Variants in NRG1 observed in about 807,000 individuals in gnomAD.
NRG1 encodes neuregulin 1.
A neutral mutation model predicts 63.8 loss-of-function variants in NRG1; 18 were observed. The ratio of observed to expected loss-of-function variants is 0.28; its 90% CI spans 0.19 to 0.42. The LOEUF is 0.42. NRG1 is among the 10% of genes least tolerant of loss of function. The pLI, the probability that NRG1 is intolerant of heterozygous loss-of-function variation, is 1.00. For missense variants in NRG1, 762 were observed against 814.7 expected (o/e 0.94, Z 0.79); for synonymous variants, 302 against 301.3 (o/e 1.00, Z -0.02).
intron 1 of NRG1, among the ~76,000 whole-genome samples, chr8:31,745,781 T>C (rs1815789623): frequency 6.6e-6 from 1 of 152,052 alleles, no homozygotes; most frequent in South Asian, 2.1e-4. Context: ...TACCTGTAGA[T>C]AGTTAATAAA....
At chr8:32,430,699 A>T (rs1818018831) in intron 1 of NRG1, among the ~76,000 whole-genome samples, 1 of 152,108 alleles carries the variant, frequency 6.6e-6, no homozygotes, top group South Asian at 2.1e-4. Context: ...TTGACTAACG[A>T]CAGCATCCAT....
At chr8:32,504,907 A>G (rs1414128156) in intron 1 of NRG1, among the ~76,000 whole-genome samples, 1 of 152,108 alleles carries the variant, frequency 6.6e-6, no homozygotes, top group Non-Finnish European at 1.5e-5. Context: ...AAGCCAGGTG[A>G]CTTTTGGGCT....
At chr8:32,501,450 A>G (rs1385845581) in intron 1 of NRG1, among the ~76,000 whole-genome samples, 1 of 152,204 alleles carries the variant, frequency 6.6e-6, no homozygotes, top group East Asian at 1.9e-4. Flanking sequence ...CTCTTTTTAC[A>G]AACTGAGAGA....
intron 1 of NRG1, among the ~76,000 whole-genome samples, chr8:32,207,109 G>A (rs1372023745): frequency 6.6e-6 from 1 of 152,046 alleles, no homozygotes; most frequent in Admixed American, 6.6e-5. Context: ...CAAATGTGTG[G>A]AAAACAACAT....
chr8:31,901,523 C>A (rs1012436103), intron 1 of NRG1, among the ~76,000 whole-genome samples: 5 of 152,188 alleles, frequency 3.3e-5, no homozygotes, highest in African/African-American at 1.2e-4. Context: ...CCAGACTCTG[C>A]CTTTTGCTAA....
intron 1 of NRG1, among the ~76,000 whole-genome samples, chr8:32,350,271 A>G (rs1805435989): frequency 6.6e-6 from 1 of 152,190 alleles, no homozygotes; most frequent in Admixed American, 6.5e-5. Context: ...GAATCATTAG[A>G]TCCAAACATT....
chr8:32,762,237 T>C (rs1452566765), intron 11 of NRG1, among the ~76,000 whole-genome samples: 1 of 152,100 alleles, frequency 6.6e-6, no homozygotes, highest in Non-Finnish European at 1.5e-5. Context: ...TTTTTTAATG[T>C]ATTAAGGAAG....
At chr8:32,318,245 G>A (rs938930166) in intron 1 of NRG1, among the ~76,000 whole-genome samples, 12 of 152,168 alleles carry the variant, frequency 7.9e-5, no homozygotes, top group African/African-American at 2.7e-4. Flanking sequence ...CTTGTAATAA[G>A]AGAAGACTTT....
intron 1 of NRG1, among the ~76,000 whole-genome samples, chr8:31,925,836 T>G (rs1216212624): frequency 1.3e-5 from 2 of 152,220 alleles, no homozygotes; most frequent in African/African-American, 4.8e-5. Flanking sequence ...CTGGTAAAAT[T>G]ATCTGTCTGG....
chr8:32,417,270 C>A (rs1387977789), intron 1 of NRG1, among the ~76,000 whole-genome samples: 3 of 152,052 alleles, frequency 2.0e-5, no homozygotes, highest in Non-Finnish European at 4.4e-5. Context: ...TATTTAGTCA[C>A]CCTTGGGTAA....
chr8:31,795,083 A>G (rs1465186209), intron 1 of NRG1, among the ~76,000 whole-genome samples: 1 of 152,134 alleles, frequency 6.6e-6, no homozygotes, highest in African/African-American at 2.4e-5. Flanking sequence ...GATTACAGGT[A>G]TGAGCCACGG....
intron 1 of NRG1, among the ~76,000 whole-genome samples, chr8:31,948,714 T>C (rs1037353644): frequency 6.6e-6 from 1 of 152,184 alleles, no homozygotes; most frequent in Admixed American, 6.5e-5. Context: ...TTAGGAACTC[T>C]TGTGAGAGTC....
intron 1 of NRG1, among the ~76,000 whole-genome samples, chr8:32,035,639 T>G (rs542072785): frequency 6.6e-6 from 1 of 152,348 alleles, no homozygotes; most frequent in African/African-American, 2.4e-5. Flanking sequence ...GGTGCATAAA[T>G]ATTTAGGATA....
intron 1 of NRG1, among the ~76,000 whole-genome samples, chr8:32,182,859 G>A (rs959448130): frequency 3.3e-5 from 5 of 152,168 alleles, no homozygotes; most frequent in African/African-American, 9.6e-5. Context: ...AAGAGTATCA[G>A]TATTGCTGAA....
intron 1 of NRG1, among the ~76,000 whole-genome samples, chr8:32,447,247 A>G (rs1366767830): frequency 6.7e-6 from 1 of 150,306 alleles, no homozygotes; most frequent in Non-Finnish European, 1.5e-5. Flanking sequence ...CTGGTCTTGA[A>G]CTCCTGACCT....
At chr8:32,758,061 T>C (rs1443179919) in intron 9 of NRG1, among the ~76,000 whole-genome samples, 1 of 152,182 alleles carries the variant, frequency 6.6e-6, no homozygotes, top group Non-Finnish European at 1.5e-5. Flanking sequence ...TCAAGCATAA[T>C]TCAAGCTGTA....
chr8:32,528,897 A>G (rs965644765), intron 1 of NRG1, among the ~76,000 whole-genome samples: 12 of 152,220 alleles, frequency 7.9e-5, no homozygotes, highest in Non-Finnish European at 1.5e-4. Context: ...ATAAAAACAT[A>G]GGAACCAAAT....
intron 1 of NRG1, among the ~76,000 whole-genome samples, chr8:32,410,003 C>T (rs1178819472): frequency 6.6e-6 from 1 of 152,026 alleles, no homozygotes; most frequent in Non-Finnish European, 1.5e-5. Context: ...CAAACCCTGC[C>T]TCTAAGGAGC....
intron 5 of NRG1, chr8:32,648,397 A>T (rs1214677412): frequency 6.2e-7 from 1 of 1,609,906 alleles, no homozygotes; most frequent in Non-Finnish European, 8.5e-7. Context: ...AAGTAGAGAG[A>T]GAGAGAGAGA....
Sources: gnomAD v4.1 joint callset for allele counts (sites outside exome capture counted in the v4.1 genomes callset) on GRCh38, gnomAD v4.1.1 for gene constraint, MANE v1.5 for transcripts, NCBI Gene and HGNC (gene_info 2026-07-23, HGNC 2026-07-21) for gene names.